PPP2R2C: variants seen among roughly 807,000 people sequenced by gnomAD.
PPP2R2C encodes the protein protein phosphatase 2, regulatory subunit B, gamma.
In PPP2R2C, 10 loss-of-function variants were observed where a neutral mutation model predicts 45.3. The ratio of observed to expected loss-of-function variants is 0.22; its 90% CI spans 0.14 to 0.37. The LOEUF (loss-of-function observed/expected upper bound fraction) is 0.37. Ranked by LOEUF, PPP2R2C falls within the 10% of genes least tolerant of loss-of-function variation. The pLI is 1.00. For synonymous variants in PPP2R2C, 257 were observed against 245.4 expected, an observed-to-expected ratio of 1.05 and a Z score of -0.44; for missense variants, 308 against 619.7, an observed-to-expected ratio of 0.50 and a Z score of 5.34.
chr4:6,375,505 C>A (rs1039454855), intron 4 of PPP2R2C, among the ~76,000 whole-genome samples: 8 of 152,226 alleles, frequency 5.3e-5, no homozygotes, highest in African/African-American at 1.9e-4. Flanking sequence ...TCTCTCTGGG[C>A]CTCAGTTTCC....
At chr4:6,509,898 A>T (rs986953448) in intron 2 of PPP2R2C, among the ~76,000 whole-genome samples, 1 of 152,182 alleles carries the variant, frequency 6.6e-6, no homozygotes, top group Non-Finnish European at 1.5e-5. Context: ...GGGGGCTGTC[A>T]CCAGGGTCCT....
At chr4:6,525,130 C>G (rs923923549) in intron 2 of PPP2R2C, among the ~76,000 whole-genome samples, 1 of 152,084 alleles carries the variant, frequency 6.6e-6, no homozygotes, top group South Asian at 2.1e-4. Flanking sequence ...AAAAGCTGGG[C>G]GTGGTGGCAC....
At chr4:6,415,552 G>A (rs1038677812) in intron 1 of PPP2R2C, among the ~76,000 whole-genome samples, 1 of 152,150 alleles carries the variant, frequency 6.6e-6, no homozygotes, top group Non-Finnish European at 1.5e-5. Context: ...AGGGGGGCAC[G>A]GTCACTCAGA....
chr4:6,561,049 G>A (rs1289608619), intron 1 of PPP2R2C, among the ~76,000 whole-genome samples: 1 of 152,364 alleles, frequency 6.6e-6, no homozygotes, highest in African/African-American at 2.4e-5. Context: ...GGCGGTGACC[G>A]CCCTTCCCTG....
At position 6,321,568 on chromosome 4, in the gene PPP2R2C, T is replaced by C. The variant is rs1445159749; in HGVS notation, c.*1734A>G. The C allele has an allele frequency of 6.6e-6, 1 of 152,464 alleles. No homozygotes were observed. The highest frequency in any genetic ancestry group is 2.4e-5 in the African/African-American group (1 of 41,450). The allele number at this position is 152,464 out of a possible 1,614,324, so 9.4% of individuals were successfully genotyped here. On this transcript the variant is annotated 3_prime_UTR_variant, in exon 9 of 9. Transcript: ENST00000382599. The stretch of plus-strand genomic sequence containing the variant: ...TGAGTACACATGCACTTTGTGCTTT[T>C]ACACACACAAAAGTATACTGTAATC...
chr4:6,493,382 G>A (rs1722772515), intron 2 of PPP2R2C, among the ~76,000 whole-genome samples: 1 of 151,782 alleles, frequency 6.6e-6, no homozygotes, highest in South Asian at 2.1e-4. Context: ...ACATGGAGGA[G>A]AGTCTGGGGG....
intron 1 of PPP2R2C, among the ~76,000 whole-genome samples, chr4:6,557,374 G>A (rs1725436937): frequency 6.6e-6 from 1 of 151,692 alleles, no homozygotes; most frequent in South Asian, 2.1e-4. Context: ...CTGGGTGCAA[G>A]GTCAGCAAAA....
At chr4:6,428,922 G>A (rs576685109) in intron 1 of PPP2R2C, among the ~76,000 whole-genome samples, 2 of 152,352 alleles carry the variant, frequency 1.3e-5, no homozygotes, top group South Asian at 4.1e-4. Context: ...TTTCACTATA[G>A]GCGATCTAAA....
intron 2 of PPP2R2C, among the ~76,000 whole-genome samples, chr4:6,482,717 T>C (rs1197660111): frequency 6.6e-6 from 1 of 152,240 alleles, no homozygotes; most frequent in African/African-American, 2.4e-5. Flanking sequence ...CTTGCTGTCC[T>C]TAACCCACTT....
At chr4:6,546,714 C>T (rs565190916) in intron 1 of PPP2R2C, among the ~76,000 whole-genome samples, 1 of 152,340 alleles carries the variant, frequency 6.6e-6, no homozygotes, top group South Asian at 2.1e-4. Context: ...GAAAACAGGG[C>T]TGAAGCCCTC....
intron 1 of PPP2R2C, chr4:6,381,888 C>T (rs896912413): frequency 6.2e-7 from 1 of 1,603,100 alleles, no homozygotes. Flanking sequence ...AGGGGAACAC[C>T]CCTTCCATCA....
chr4:6,365,681 G>A (rs1038142570), intron 5 of PPP2R2C, among the ~76,000 whole-genome samples: 2 of 152,158 alleles, frequency 1.3e-5, no homozygotes, highest in Admixed American at 6.5e-5. Flanking sequence ...AGGCAGGCAT[G>A]GGCTGATGAA....
chr4:6,468,018 C>A (rs1183124675), intron 1 of PPP2R2C, among the ~76,000 whole-genome samples: 1 of 152,228 alleles, frequency 6.6e-6, no homozygotes, highest in African/African-American at 2.4e-5. Flanking sequence ...GGAATGAGAT[C>A]ATCCTTGCAC....
In PPP2R2C at chr4:6,482,690, C is replaced by T. The variant is rs180998785; in HGVS notation, c.49+52581G>A. 8.8e-4 allele frequency among the ~76,000 whole-genome samples: 134 copies of T among 152,332 alleles called. 1 individual carries two copies. Among genetic ancestry groups the T allele is most frequent in the Non-Finnish European group, 5.4e-4 (37 of 68,028 alleles). ...GACAATTATGTCATCTGCAATTAAA[C>T]ACAATTTTGGCTTTTCCTTGCTGTC... is the stretch of plus-strand genomic sequence containing the variant. On this transcript the variant is annotated intron_variant, in intron 2 of 9. Transcript: ENST00000506140.
intron 5 of PPP2R2C, among the ~76,000 whole-genome samples, chr4:6,365,420 A>G (rs1332155006): frequency 6.6e-6 from 1 of 151,478 alleles, no homozygotes; most frequent in African/African-American, 2.4e-5. Flanking sequence ...TGTGCTGGTG[A>G]GGGTTGCTTG....
chr4:6,402,994 C>T lies in PPP2R2C; in HGVS notation c.71-21900G>A, dbSNP rs13114468. ...GGAGTGCTAGGCTCTGCACGTCTCC[C>T]GGCTCACTCACACCTTCAAAGATCA... On this transcript the variant is annotated intron_variant, in intron 1 of 8. Transcript: ENST00000382599. Among the ~76,000 whole-genome samples, 1,306 of 152,354 alleles carry T rather than the reference C, an allele frequency of 8.6e-3. 8 individuals carry two copies. The highest frequency in any genetic ancestry group is 0.037 in the Middle Eastern group (11 of 294).
At chr4:6,553,570 A>G (rs1221246050) in intron 1 of PPP2R2C, among the ~76,000 whole-genome samples, 1 of 152,022 alleles carries the variant, frequency 6.6e-6, no homozygotes, top group African/African-American at 2.4e-5. Context: ...TGGCCAGGAG[A>G]GATGAGGGCA....
intron 1 of PPP2R2C, among the ~76,000 whole-genome samples, chr4:6,540,211 A>G (rs1724765105): frequency 6.6e-6 from 1 of 152,204 alleles, no homozygotes; most frequent in Non-Finnish European, 1.5e-5. Flanking sequence ...CATGTTCATT[A>G]ATGGTCATTC....
intron 8 of PPP2R2C, among the ~76,000 whole-genome samples, chr4:6,325,106 CT>C (rs1380173282): frequency 6.6e-6 from 1 of 152,170 alleles, no homozygotes; most frequent in African/African-American, 2.4e-5. Flanking sequence ...CAGTCAGGGG[CT>C]TGGGCTCTGG....
Sources: gnomAD v4.1 joint callset for allele counts (sites outside exome capture counted in the v4.1 genomes callset) on GRCh38, gnomAD v4.1.1 for gene constraint, MANE v1.5 for transcripts, NCBI Gene and HGNC (gene_info 2026-07-23, HGNC 2026-07-21) for gene names.